DMD: variants seen among roughly 807,000 people sequenced by gnomAD.
DMD encodes dystrophin, also known as mutant dystrophin.
DMD carries 63 observed loss-of-function variants against 330.1 expected under a neutral mutation model. The observed-to-expected ratio is 0.19, with a 90% CI of 0.16 to 0.24. DMD has a LOEUF of 0.24. Among genes scored for constraint, DMD ranks in the 10% least tolerant of loss-of-function variants. The probability of loss-of-function intolerance (pLI) is 1.00; values close to 1 mark genes in which losing one functional copy is unlikely to be tolerated. For missense variants in DMD, 3,344 were observed against 2,684.1 expected (o/e 1.25, Z -5.43); for synonymous variants, 1,223 against 959.8 (o/e 1.27, Z -5.07).
chrX:31,436,211 T>C (rs1379457814), intron 60 of DMD, among the ~76,000 whole-genome samples: 1 of 111,956 alleles, frequency 8.9e-6, no homozygotes, highest in African/African-American at 3.2e-5. Flanking sequence ...CTAGCAAAAA[T>C]AGTTCCCGAT....
At position 32,576,787 on chromosome X, in the gene DMD, G is replaced by A. The variant is rs780493729; in HGVS notation, c.1603-2941C>T. ...ATTAAACACTCTTTTAGGTACATAG[G>A]CAACCTATTTAACATAACTATTTAA... On this transcript the variant is annotated intron_variant, in intron 13 of 78. Transcript: ENST00000357033. Among the ~76,000 whole-genome samples, 18 of 109,666 alleles carry A rather than the reference G, an allele frequency of 1.6e-4. No homozygotes were observed. The South Asian group carries it at 6.8e-3, about 41-fold the overall frequency.
At chrX:31,421,264 G>A (rs1240455061) in intron 60 of DMD, among the ~76,000 whole-genome samples, 2 of 112,045 alleles carry the variant, frequency 1.8e-5, no homozygotes, top group Non-Finnish European at 3.8e-5. Context: ...TTTCCAAGAG[G>A]TTCTTTGGAG....
intron 1 of DMD, chrX:33,127,933 G>T: frequency 1.3e-6 from 1 of 762,414 alleles, no homozygotes; most frequent in Non-Finnish European, 1.8e-6. Context: ...TATCCTATAG[G>T]TTATTGGTGT....
chrX:33,273,277 A>C lies in DMD; in HGVS notation c.7+65982T>G, dbSNP rs191717588. Among the ~76,000 whole-genome samples, 477 of 112,382 alleles carry C rather than the reference A, an allele frequency of 4.2e-3. 3 individuals carry two copies. Among genetic ancestry groups the C allele is most frequent in the African/African-American group, 0.014 (449 of 30,966 alleles). ...AATCTCTGAATGATGCATTTTATACATAGCAATGACTTTTTTATTTTTTAA... is the reference window on the plus strand; with the variant it reads ...AATCTCTGAATGATGCATTTTATACCTAGCAATGACTTTTTTATTTTTTAA... On this transcript the variant is annotated intron_variant, in intron 1 of 17. Transcript: ENST00000288447.
intron 2 of DMD, among the ~76,000 whole-genome samples, chrX:32,875,565 T>C (rs778604211): frequency 3.6e-5 from 4 of 112,247 alleles, no homozygotes; most frequent in East Asian, 2.8e-4. Flanking sequence ...TGAATGACTA[T>C]TGGATAAGTG....
chrX:32,442,723 G>C (rs766452302), intron 27 of DMD, among the ~76,000 whole-genome samples: 1 of 109,887 alleles, frequency 9.1e-6, no homozygotes. Flanking sequence ...CCTTTTTGTA[G>C]TAATCAAAAA....
At chrX:33,100,645 T>C (rs976550808) in intron 1 of DMD, among the ~76,000 whole-genome samples, 8 of 111,368 alleles carry the variant, frequency 7.2e-5, no homozygotes, top group Admixed American at 1.9e-4. Context: ...GAGCCAAGAT[T>C]GCACAGTTGC....
At chrX:31,656,704 A>G (rs1234097044) in intron 54 of DMD, among the ~76,000 whole-genome samples, 1 of 112,006 alleles carries the variant, frequency 8.9e-6, no homozygotes, top group Non-Finnish European at 1.9e-5. Flanking sequence ...TTTTGAGAAG[A>G]AAGTCCAAGC....
At chrX:32,691,765 A>C (rs1304840525) in intron 9 of DMD, among the ~76,000 whole-genome samples, 1 of 111,436 alleles carries the variant, frequency 9.0e-6, no homozygotes, top group Non-Finnish European at 1.9e-5. Context: ...CTCAGTGTCC[A>C]CTGATGGATG....
chrX:32,049,486 A>T (rs2096090587), intron 44 of DMD, among the ~76,000 whole-genome samples: 1 of 111,225 alleles, frequency 9.0e-6, no homozygotes, highest in Non-Finnish European at 1.9e-5. Flanking sequence ...GGCTCTCTGG[A>T]CCCCAATTTC....
intron 7 of DMD, among the ~76,000 whole-genome samples, chrX:32,722,132 T>G (rs2066387937): frequency 9.1e-6 from 1 of 110,275 alleles, no homozygotes; most frequent in East Asian, 2.8e-4. Flanking sequence ...TCTGGCTATT[T>G]GGGATTTCAT....
chrX:31,289,251 CAA>C (rs773939250), intron 62 of DMD, among the ~76,000 whole-genome samples: 2 of 23,599 alleles, frequency 8.5e-5, no homozygotes, highest in Non-Finnish European at 7.9e-5. Flanking sequence ...GGTGACAGAG[CAA>C]AAAAAAAAAA....
chrX:31,334,363 C>G (rs996840430), intron 61 of DMD, among the ~76,000 whole-genome samples: 1 of 112,105 alleles, frequency 8.9e-6, no homozygotes, highest in Non-Finnish European at 1.9e-5. Flanking sequence ...TGCTAAGTTC[C>G]TATCAAAAGG....
At chrX:33,115,364 G>C (rs2095373343) in intron 1 of DMD, among the ~76,000 whole-genome samples, 2 of 111,040 alleles carry the variant, frequency 1.8e-5, no homozygotes, top group African/African-American at 6.5e-5. Flanking sequence ...TAGACAAGGG[G>C]ATAATTTTTT....
intron 45 of DMD, among the ~76,000 whole-genome samples, chrX:31,951,125 ATATATATATATATATGTG>A (rs1269635847): frequency 3.1e-4 from 24 of 78,464 alleles, no homozygotes; most frequent in African/African-American, 6.8e-4. Context: ...ATATATACAT[ATATATATATATATATGTG>A]TATATATATA....
intron 60 of DMD, among the ~76,000 whole-genome samples, chrX:31,353,342 G>A (rs1356439973): frequency 9.0e-6 from 1 of 111,562 alleles, no homozygotes; most frequent in Non-Finnish European, 1.9e-5. Flanking sequence ...CTATTTTAGA[G>A]GAAAGTTAGG....
In DMD at chrX:32,468,084, A is replaced by G. The variant is rs377297795; in HGVS notation, c.3162+414T>C. 5.4e-5 allele frequency among the ~76,000 whole-genome samples: 6 copies of G among 110,373 alleles called. No homozygotes were observed. In the East Asian group the frequency reaches 1.4e-3, roughly 26 times the overall value. ...ATGAAAGGTAATATAGGAAATAATC[A>G]TATACATACTATACATTATATATAT... On this transcript the variant is annotated intron_variant, in intron 23 of 78. Transcript: ENST00000357033.
At chrX:31,342,803 GTC>G (rs778248562) in intron 61 of DMD, among the ~76,000 whole-genome samples, 178 of 111,902 alleles carry the variant, frequency 1.6e-3, no homozygotes, top group African/African-American at 5.5e-3. Flanking sequence ...TTGAGACAGA[GTC>G]TCTCTCTATC....
intron 5 of DMD, among the ~76,000 whole-genome samples, chrX:32,818,822 A>C (rs1405976110): frequency 2.7e-5 from 3 of 109,423 alleles, no homozygotes; most frequent in Non-Finnish European, 5.7e-5. Context: ...GCAACCCACT[A>C]CTATTGACTG....
Sources: allele counts gnomAD v4.1 joint callset (sites outside exome capture counted in the v4.1 genomes callset), GRCh38; gene constraint gnomAD v4.1.1; transcripts MANE v1.5; gene names NCBI Gene and HGNC (gene_info 2026-07-23, HGNC 2026-07-21).